Variants in HSPA12A observed in about 807,000 individuals in gnomAD.
HSPA12A encodes heat shock protein family A (Hsp70) member 12A, also known as heat shock 70 kDa protein 12A.
HSPA12A carries 28 observed loss-of-function variants against 69.2 expected under a neutral mutation model. That is an observed-to-expected ratio of 0.40 (90% CI 0.30 to 0.55). The LOEUF (loss-of-function observed/expected upper bound fraction) is 0.55, where lower values mean the gene tolerates loss of function less well. Ranked by LOEUF, HSPA12A falls within the 20% of genes least tolerant of loss-of-function variation. The pLI is 0.38. For synonymous variants in HSPA12A, 345 were observed against 370.5 expected (o/e 0.93, Z 0.79); for missense variants, 686 against 900.7 (o/e 0.76, Z 3.05).
intron 1 of HSPA12A, among the ~76,000 whole-genome samples, chr10:116,715,779 A>G (rs1850583635): frequency 1.3e-5 from 2 of 152,218 alleles, no homozygotes; most frequent in African/African-American, 4.8e-5. Flanking sequence ...TAGGTGCTCC[A>G]CACATATTTG....
chr10:116,705,646 G>A (rs1554882299), intron 2 of HSPA12A, among the ~76,000 whole-genome samples: 4 of 152,218 alleles, frequency 2.6e-5, no homozygotes, highest in South Asian at 4.1e-4. Context: ...GCTGCCTTCC[G>A]CAAGACCCTG....
At chr10:116,801,614 C>G (rs928251901) in intron 2 of HSPA12A, among the ~76,000 whole-genome samples, 1 of 151,914 alleles carries the variant, frequency 6.6e-6, no homozygotes, top group South Asian at 2.1e-4. Flanking sequence ...ACCCAACAAC[C>G]ACAAAAATAA....
At chr10:116,825,296 G>A (rs1237376503) in intron 2 of HSPA12A, among the ~76,000 whole-genome samples, 1 of 152,000 alleles carries the variant, frequency 6.6e-6, no homozygotes, top group African/African-American at 2.4e-5. Flanking sequence ...GATCACTTGA[G>A]CTCAGGAGTT....
intron 2 of HSPA12A, among the ~76,000 whole-genome samples, chr10:116,749,434 G>A (rs1252545282): frequency 2.0e-5 from 3 of 152,190 alleles, no homozygotes; most frequent in Non-Finnish European, 4.4e-5. Flanking sequence ...AGGAAACTGA[G>A]GCCCGGAGAT....
intron 3 of HSPA12A, among the ~76,000 whole-genome samples, chr10:116,704,050 G>A (rs1424158418): frequency 6.6e-6 from 1 of 152,230 alleles, no homozygotes; most frequent in Non-Finnish European, 1.5e-5. Context: ...GGAAGTCAGT[G>A]TGGCGATTCC....
chr10:116,773,249 G>A (rs1190633273), intron 2 of HSPA12A, among the ~76,000 whole-genome samples: 2 of 152,224 alleles, frequency 1.3e-5, no homozygotes, highest in African/African-American at 4.8e-5. Context: ...GGATGAACTG[G>A]CCTGGGATGA....
rs1440726803 is a variant in HSPA12A, at chr10:116,808,642, G to A, written c.91+26293C>T. On this transcript the variant is annotated intron_variant, in intron 2 of 12. Coordinates refer to the HSPA12A transcript ENST00000635765. ...ATGGTGCAGCTTAATAATGCCCAGC[G>A]TGCATCCTGTTCCCCACAATGGTCT... 2.0e-5 allele frequency among the ~76,000 whole-genome samples: 3 copies of A among 152,076 alleles called. 1 individual carries two copies. The highest frequency in any genetic ancestry group is 2.9e-5 in the Non-Finnish European group (2 of 68,014).
At chr10:116,678,819 G>T (rs142503192) in intron 10 of HSPA12A, among the ~76,000 whole-genome samples, 3,450 of 151,992 alleles carry the variant, frequency 0.023, 129 homozygotes, top group African/African-American at 0.079. Flanking sequence ...TGGACAATGG[G>T]GTATTTTACA....
chr10:116,768,228 C>T (rs797026727), intron 2 of HSPA12A, among the ~76,000 whole-genome samples: 2 of 152,326 alleles, frequency 1.3e-5, no homozygotes, highest in African/African-American at 2.4e-5. Context: ...AAACATTACG[C>T]TAAGTGAAAG....
Position 116,692,433 on chromosome 10 carries a change from T to C in HSPA12A, c.581A>G (p.Asn194Ser), listed in dbSNP as rs782425523. The C allele has an allele frequency of 3.7e-6, 6 of 1,613,992 alleles. No individual in the cohort carries two copies. Among genetic ancestry groups the C allele is most frequent in the Non-Finnish European group, 5.1e-6 (6 of 1,179,996 alleles). ...CGTGATGACCCATCTGACATCAGAG[T>C]TCTCGAACTCCGAACCCGCCTGGTC... ...LSDQAGSEFE[N>S]SDVRWVITVP... Residue 194 changes from asparagine (N) to serine (S), a missense_variant, in exon 6 of 12, where the codon AAC (asparagine) becomes AGC (serine). By Grantham distance (46) the Asn-to-Ser change is conservative. Coordinates refer to ENST00000369209, the MANE Select transcript of HSPA12A (RefSeq NM_025015.3).
At chr10:116,806,976 C>T (rs756187129) in intron 2 of HSPA12A, among the ~76,000 whole-genome samples, 1 of 152,200 alleles carries the variant, frequency 6.6e-6, no homozygotes, top group Non-Finnish European at 1.5e-5. Flanking sequence ...ATAGGAGAGA[C>T]ACACAGGTAG....
At chr10:116,684,100 T>C in intron 6 of HSPA12A, 138 bp from the exon 7 acceptor site, 1 of 665,236 alleles carries the variant, frequency 1.5e-6, no homozygotes, top group Non-Finnish European at 2.3e-6. Flanking sequence ...CACAGTCCTC[T>C]GCAGAGCATA....
chr10:116,702,087 C>T (rs1211499940), intron 3 of HSPA12A, among the ~76,000 whole-genome samples: 1 of 150,804 alleles, frequency 6.6e-6, no homozygotes, highest in Non-Finnish European at 1.5e-5. Context: ...CCAGCCTGGG[C>T]AACACAGCAA....
At chr10:116,831,578 G>T (rs2133210305) in intron 2 of HSPA12A, 1 of 152,294 alleles carries the variant, frequency 6.6e-6, no homozygotes, top group Admixed American at 6.5e-5. Context: ...AGAAGGGTTA[G>T]GTAATATTCA....
intron 1 of HSPA12A, among the ~76,000 whole-genome samples, chr10:116,837,328 A>G (rs1238263194): frequency 6.6e-6 from 1 of 152,214 alleles, no homozygotes; most frequent in Non-Finnish European, 1.5e-5. Flanking sequence ...AGGGCCACTT[A>G]CGACACGCCA....
At chr10:116,676,324 G>T in intron 11 of HSPA12A, 75 bp downstream of exon 11, 1 of 1,240,090 alleles carries the variant, frequency 8.1e-7, no homozygotes, top group Non-Finnish European at 1.2e-6. Flanking sequence ...ACAGGCACCA[G>T]CTGGTGATGC....
chr10:116,690,024 G>C (rs1589630980), intron 6 of HSPA12A, among the ~76,000 whole-genome samples: 1 of 152,174 alleles, frequency 6.6e-6, no homozygotes, highest in South Asian at 2.1e-4. Flanking sequence ...CTGGCATCCT[G>C]TGGCCTAGTC....
At chr10:116,782,974 G>T (rs111639977) in intron 2 of HSPA12A, among the ~76,000 whole-genome samples, 14 of 152,330 alleles carry the variant, frequency 9.2e-5, no homozygotes, top group African/African-American at 3.4e-4. Flanking sequence ...GAGAGGCAGA[G>T]AACATGGTGG....
chr10:116,791,284 G>C (rs1035972212), intron 2 of HSPA12A, among the ~76,000 whole-genome samples: 2 of 152,230 alleles, frequency 1.3e-5, no homozygotes, highest in African/African-American at 4.8e-5. Flanking sequence ...TGTGTTTAAA[G>C]CATCTTTTCC....
Sources: gnomAD v4.1 joint callset for allele counts (sites outside exome capture counted in the v4.1 genomes callset) on GRCh38, gnomAD v4.1.1 for gene constraint, MANE v1.5 for transcripts, NCBI Gene and HGNC (gene_info 2026-07-23, HGNC 2026-07-21) for gene names.